SIRT3: variants seen among roughly 807,000 people sequenced by gnomAD.
The protein encoded by SIRT3 is sirtuin 3.
SIRT3 carries 26 observed loss-of-function variants against 33.5 expected under a neutral mutation model. That is an observed-to-expected ratio of 0.78 (90% CI 0.57 to 1.08). The LOEUF (loss-of-function observed/expected upper bound fraction) is 1.08. SIRT3 is among the 50% of genes least tolerant of loss of function. The pLI is 0.00. For missense variants in SIRT3, 585 were observed against 530.1 expected (o/e 1.10, Z -1.02); for synonymous variants, 237 against 222.1 (o/e 1.07, Z -0.60).
At chr11:234,768 C>T (rs938348841) in intron 1 of SIRT3, among the ~76,000 whole-genome samples, 2 of 151,564 alleles carry the variant, frequency 1.3e-5, no homozygotes, top group African/African-American at 4.9e-5. Context: ...AGAATGCGCT[C>T]CACGTGTTTG....
intron 4 of SIRT3, among the ~76,000 whole-genome samples, chr11:228,329 A>G (rs538828732): frequency 6.6e-6 from 1 of 152,382 alleles, no homozygotes; most frequent in African/African-American, 2.4e-5. Flanking sequence ...AATAATACGT[A>G]TATATCAAGT....
chr11:219,301 G>A (rs778466526), intron 5 of SIRT3, among the ~76,000 whole-genome samples: 10 of 151,954 alleles, frequency 6.6e-5, no homozygotes, highest in Middle Eastern at 3.4e-3. Flanking sequence ...CCCCACCTCC[G>A]TTCCAAGGCT....
Position 223,774 on chromosome 11 carries a change from C to A in SIRT3, c.969+304G>T. 1 of 1,093,408 alleles carries A rather than the reference C, an allele frequency of 9.1e-7. No individual in the cohort carries two copies. Among genetic ancestry groups the A allele is most frequent in the Non-Finnish European group, 1.4e-6 (1 of 722,608 alleles). 67.7% of individuals were successfully genotyped at this position (1,093,408 alleles called of 1,614,324 possible). A position where few individuals can be genotyped will look rare whatever the true frequency, so the allele number is the denominator to read the frequency against. ...TCCATTCACCTTCCCAAAGTGGCAC[C>A]AGCCCTGGAAGGGCCCATGAGATGA... On this transcript the variant is annotated intron_variant, in intron 5 of 6. Transcript: ENST00000382743. This position sits in a 1 kb window ranked among gnomAD's most constrained non-coding sequence, Gnocchi z 4.8.
intron 4 of SIRT3, among the ~76,000 whole-genome samples, chr11:226,440 G>C (rs574280802): frequency 6.6e-6 from 1 of 151,974 alleles, no homozygotes; most frequent in Non-Finnish European, 1.5e-5. Context: ...ATGGCATCTC[G>C]CTCTGTCACC....
In SIRT3 at chr11:233,121, T is replaced by C; in HGVS notation, c.568A>G (p.Lys190Glu). The change falls in exon 3 of 7, where the codon AAG becomes GAG. Residue 190 changes from lysine to glutamate, a missense_variant. Lys to Glu is a moderately conservative substitution (Grantham distance 56, BLOSUM62 1). Transcript: ENST00000382743. ...FELPFFFHNP[K>E]PFFTLAKELY... The stretch of plus-strand genomic sequence containing the variant: ...TCCTTGGCCAAAGTGAAAAAGGGCT[T>C]GGGGTTGTGAAAGAAGAATGGGAGT... 1 of 1,613,864 alleles carries C rather than the reference T, an allele frequency of 6.2e-7. No homozygotes were observed. The highest frequency in any genetic ancestry group is 8.5e-7 in the Non-Finnish European group (1 of 1,179,964).
At chr11:217,105 C>T (rs1855761369) in intron 6 of SIRT3, among the ~76,000 whole-genome samples, 1 of 152,254 alleles carries the variant, frequency 6.6e-6, no homozygotes, top group Non-Finnish European at 1.5e-5. Flanking sequence ...TATTAAGCCA[C>T]TTCCAAAACT....
chr11:234,706 C>T (rs909791239), intron 1 of SIRT3, among the ~76,000 whole-genome samples: 7 of 152,122 alleles, frequency 4.6e-5, no homozygotes, highest in Non-Finnish European at 1.0e-4. Context: ...TGAGCCACCG[C>T]GCCCGGCCGC....
At chr11:217,910 T>C (rs1855879570) in intron 6 of SIRT3, among the ~76,000 whole-genome samples, 1 of 152,226 alleles carries the variant, frequency 6.6e-6, no homozygotes, top group Non-Finnish European at 1.5e-5. Context: ...GGGGCGGGTC[T>C]TTCCCACACT....
intron 3 of SIRT3, among the ~76,000 whole-genome samples, 166 bp downstream of exon 3, chr11:232,816 CA>C (rs893879560): frequency 6.6e-6 from 1 of 151,992 alleles, no homozygotes; most frequent in Non-Finnish European, 1.5e-5. Flanking sequence ...CTAGTTGGCT[CA>C]AAAAAAGTCC....
chr11:236,837 G>A (rs1311943234), upstream of SIRT3: 1 of 587,070 alleles, frequency 1.7e-6, no homozygotes, highest in Non-Finnish European at 3.0e-6. Flanking sequence ...AGCCAAGTGC[G>A]CGGGAAGTGG....
chr11:218,846 G>A lies in SIRT3; in HGVS notation c.1165C>T (p.Arg389Trp), dbSNP rs763102480. The A allele has an allele frequency of 1.2e-5, 20 of 1,613,968 alleles. No individual in the cohort carries two copies. The highest frequency in any genetic ancestry group is 8.9e-5 in the East Asian group (4 of 44,892). ...GCAGTCTGTACCTTCCCAGTTTCCCGCTGCACAAGGTCCCGCATCTCTTCT... is the reference window on the plus strand; with the variant it reads ...GCAGTCTGTACCTTCCCAGTTTCCCACTGCACAAGGTCCCGCATCTCTTCT... ...WTEEMRDLVQ[R>W]ETGKLDGPDK is the part of the protein sequence containing the mutation. The change falls in exon 6 of 7, where the codon CGG becomes TGG. Residue 389 changes from arginine to tryptophan, a missense_variant. Transcript: ENST00000382743.
intron 3 of SIRT3, 103 bp downstream of exon 3, chr11:232,880 G>A (rs1183194470): frequency 1.6e-5 from 18 of 1,113,566 alleles, no homozygotes; most frequent in African/African-American, 3.1e-5. Context: ...ACAGGCACCC[G>A]AGCATCCCCT....
chr11:217,769 G>C (rs545842730), intron 6 of SIRT3, among the ~76,000 whole-genome samples: 1 of 152,350 alleles, frequency 6.6e-6, no homozygotes, highest in African/African-American at 2.4e-5. Flanking sequence ...TGCCTTGGAA[G>C]GCAAGAGGAG....
chr11:232,969 C>T lies in SIRT3; in HGVS notation c.706+14G>A. ...TGGGAGAAAAAGAATGTGTGCGACT[C>T]ACAGAGGGCTCACCTCTCTCAAGCC... On this transcript the variant is annotated intron_variant, in intron 3 of 6. Transcript: ENST00000382743. The T allele has an allele frequency of 6.2e-7, 1 of 1,610,820 alleles. No homozygotes were observed.
chr11:235,464 G>A (rs1027383669), intron 1 of SIRT3, among the ~76,000 whole-genome samples: 1 of 152,164 alleles, frequency 6.6e-6, no homozygotes, highest in African/African-American at 2.4e-5. Context: ...CTCAGCCTCC[G>A]AAAGTGCTGG....
intron 6 of SIRT3, 157 bp downstream of exon 6, chr11:218,675 C>T: frequency 7.4e-7 from 1 of 1,345,612 alleles, no homozygotes; most frequent in Non-Finnish European, 1.0e-6. Flanking sequence ...TTGAAAGTAA[C>T]ACCCAGTCAG....
intron 4 of SIRT3, chr11:226,186 A>G (rs4980333): frequency 0.16 from 23,760 of 152,100 alleles, 2,346 homozygotes; most frequent in Middle Eastern, 0.22. Flanking sequence ...GGGAAGATAA[A>G]CCAGTAATCC....
At chr11:235,837 A>G (rs541772240) in intron 1 of SIRT3, among the ~76,000 whole-genome samples, 1 of 152,360 alleles carries the variant, frequency 6.6e-6, no homozygotes, top group Non-Finnish European at 1.5e-5. Context: ...CAATAACTAA[A>G]GGTTAGAACG....
At chr11:232,942 C>A (rs769185936) in intron 3 of SIRT3, 41 bp downstream of exon 3, 7 of 1,590,986 alleles carry the variant, frequency 4.4e-6, no homozygotes, top group Non-Finnish European at 8.6e-7. Context: ...CCCGAGCCTC[C>A]GTGGGAGAAA....
Sources: gnomAD v4.1 joint callset for allele counts (sites outside exome capture counted in the v4.1 genomes callset) on GRCh38, gnomAD v4.1.1 for gene constraint, Gnocchi (gnomAD v3.1) non-coding constraint, MANE v1.5 for transcripts, NCBI Gene and HGNC (gene_info 2026-07-23, HGNC 2026-07-21) for gene names.